MYOM1: variants seen among roughly 807,000 people sequenced by gnomAD.
MYOM1 encodes myomesin 1, also known as myomesin-1.
Under a neutral mutation model 205.3 loss-of-function variants are expected in MYOM1, and 164 were observed. The ratio of observed to expected loss-of-function variants is 0.80; its 90% CI spans 0.70 to 0.91. MYOM1 has a LOEUF of 0.91. MYOM1 is among the 40% of genes least tolerant of loss of function. The pLI, the probability that MYOM1 is intolerant of heterozygous loss-of-function variation, is 0.00. For synonymous variants in MYOM1, 772 were observed against 789.4 expected, an observed-to-expected ratio of 0.98 and a Z score of 0.37; for missense variants, 2,011 against 2,127.3, an observed-to-expected ratio of 0.95 and a Z score of 1.08.
intron 8 of MYOM1, 32 bp from the exon 9 acceptor site, chr18:3,169,013 T>G: frequency 6.3e-7 from 1 of 1,577,330 alleles, no homozygotes; most frequent in Non-Finnish European, 8.6e-7. Context: ...ATCAGTAATT[T>G]TTTTCTTCAT....
chr18:3,161,793 T>C (rs1331098715), intron 10 of MYOM1, among the ~76,000 whole-genome samples: 2 of 152,234 alleles, frequency 1.3e-5, no homozygotes, highest in Non-Finnish European at 2.9e-5. Flanking sequence ...CTGAAGTTTT[T>C]GGTAAATTAC....
chr18:3,244,503 C>T, the MYOM1 span, among the ~76,000 whole-genome samples: 3 of 152,090 alleles, frequency 2.0e-5, no homozygotes, highest in African/African-American at 7.2e-5. Flanking sequence ...GAAGAGATCC[C>T]AGCCATTTGG....
intron 21 of MYOM1, among the ~76,000 whole-genome samples, chr18:3,114,544 A>ATTTTTTTTTTTTT (rs5822738): frequency 4.5e-5 from 4 of 88,374 alleles, no homozygotes; most frequent in African/African-American, 1.9e-4. Context: ...TGGTCAGCTA[A>ATTTTTTTTTTTTT]TTTTTTTTTT....
chr18:3,075,650 A>G (rs911319551), intron 35 of MYOM1, 75 bp downstream of exon 35: 2 of 1,511,248 alleles, frequency 1.3e-6, no homozygotes, highest in Admixed American at 3.5e-5. Context: ...TCTAACACTC[A>G]GAGGGGCGAG....
At position 3,083,595 on chromosome 18, in the gene MYOM1, AT is replaced by A. The variant is rs59299057; in HGVS notation, c.4484+193del. On this transcript the variant is annotated intron_variant, in intron 33 of 37. Transcript: ENST00000356443. The stretch of plus-strand genomic sequence containing the variant: ...AGGTGTCTGCCACTGCGCCCAGCTC[AT>A]TTTTTTTTTTTTTTTTTTTTTGTAT... 9.5e-3 allele frequency among the ~76,000 whole-genome samples: 1,022 copies of A among 107,106 alleles called. 11 individuals are homozygous for A. Among genetic ancestry groups the A allele is most frequent in the African/African-American group, 0.028 (788 of 28,396 alleles). The allele number at this position is 107,106 out of a possible 152,430, so 70.3% of individuals were successfully genotyped here. A position where few individuals can be genotyped will look rare whatever the true frequency, so the allele number is the denominator to read the frequency against.
At chr18:3,074,358 G>A (rs892220440) in intron 36 of MYOM1, among the ~76,000 whole-genome samples, 5 of 152,172 alleles carry the variant, frequency 3.3e-5, no homozygotes, top group African/African-American at 1.2e-4. Context: ...GTTGCACCCA[G>A]AGGCACATGG....
chr18:3,195,404 C>T (rs1357720974), intron 2 of MYOM1, among the ~76,000 whole-genome samples: 8 of 152,202 alleles, frequency 5.3e-5, no homozygotes, highest in African/African-American at 1.4e-4. Context: ...GGCCAGCTGT[C>T]CTGGGCAGCA....
Position 3,090,729 on chromosome 18 carries a change from T to C in MYOM1, c.3938A>G (p.Glu1313Gly). ...TTGAAGCTGGAAAGTGTACGTTCCC[T>C]CATCCTCATCCTGTAGCTTTTCCAT... ...MFMEKLQDEDEGTYTFQLQDG... is the reference protein window; with the variant it reads ...MFMEKLQDEDGGTYTFQLQDG... The change falls in exon 27 of 38, where the codon GAG becomes GGG. Residue 1313 changes from glutamate (E) to glycine (G), a missense_variant. Glu to Gly is a moderately conservative substitution (Grantham distance 98). Coordinates refer to ENST00000356443, the MANE Select transcript of MYOM1 (RefSeq NM_003803.4). 6.2e-7 allele frequency: 1 copy of C among 1,613,974 alleles called. No homozygotes were observed. The highest frequency in any genetic ancestry group is 8.5e-7 in the Non-Finnish European group (1 of 1,179,858).
At chr18:3,102,019 T>G (rs1479414656) in intron 23 of MYOM1, among the ~76,000 whole-genome samples, 1 of 103,054 alleles carries the variant, frequency 9.7e-6, no homozygotes, top group Non-Finnish European at 1.9e-5. Context: ...TTTTTTTTTT[T>G]GAGACAGAGT....
chr18:3,234,571 C>T, the MYOM1 span, among the ~76,000 whole-genome samples: 1 of 152,156 alleles, frequency 6.6e-6, no homozygotes, highest in Non-Finnish European at 1.5e-5. Flanking sequence ...CATCCAGAGT[C>T]GTTTGGGGAG....
chr18:3,243,889 A>G, the MYOM1 span, among the ~76,000 whole-genome samples: 1 of 152,062 alleles, frequency 6.6e-6, no homozygotes, highest in South Asian at 2.1e-4. Context: ...TGTCCATTCC[A>G]TTTTTTTCTC....
chr18:3,145,309 C>CAAAAAAAAAA, intron 13 of MYOM1, among the ~76,000 whole-genome samples: 1 of 124,640 alleles, frequency 8.0e-6, no homozygotes, highest in African/African-American at 2.8e-5. Flanking sequence ...GACTCCATCT[C>CAAAAAAAAAA]AAAAAAAAAA....
chr18:3,139,610 T>C (rs1194354184), intron 14 of MYOM1, among the ~76,000 whole-genome samples: 2 of 152,192 alleles, frequency 1.3e-5, no homozygotes, highest in African/African-American at 4.8e-5. Context: ...GAAATAATTT[T>C]AGCCTCAGCT....
At chr18:3,097,900 A>T (rs2079326142) in intron 25 of MYOM1, among the ~76,000 whole-genome samples, 2 of 152,188 alleles carry the variant, frequency 1.3e-5, no homozygotes, top group African/African-American at 4.8e-5. Flanking sequence ...GCCCGGACTA[A>T]TTCTCTCTCC....
At chr18:3,127,840 A>G (rs540885674) in intron 18 of MYOM1, among the ~76,000 whole-genome samples, 36 of 152,334 alleles carry the variant, frequency 2.4e-4, no homozygotes, top group African/African-American at 8.7e-4. Flanking sequence ...TGATGTTGGA[A>G]TATTTTTCAT....
chr18:3,128,900 G>A (rs2079834225), intron 18 of MYOM1, among the ~76,000 whole-genome samples: 1 of 152,162 alleles, frequency 6.6e-6, no homozygotes, highest in African/African-American at 2.4e-5. Context: ...CAGGCTAGCA[G>A]TACCAAGTCC....
intron 1 of MYOM1, chr18:3,217,168 A>T (rs2081278457): frequency 6.6e-6 from 1 of 152,338 alleles, no homozygotes; most frequent in Non-Finnish European, 1.5e-5. Context: ...CTGTTGTTTA[A>T]GCCACCCAGT....
Position 3,142,184 on chromosome 18 carries a change from G to A in MYOM1, c.1901-121C>T, listed in dbSNP as rs918969442. 3.4e-6 allele frequency: 4 copies of A among 1,166,156 alleles called. No homozygotes were observed. In the African/African-American group the frequency reaches 6.2e-5, roughly 18 times the overall value. 72.2% of individuals were successfully genotyped at this position (1,166,156 alleles called of 1,614,324 possible). On this transcript the variant is annotated intron_variant, in intron 13 of 37. Coordinates refer to ENST00000356443, the MANE Select transcript of MYOM1 (RefSeq NM_003803.4). ...AATTATGTCTCCACAGTTTAAAGAA[G>A]TACCTTCTCTCTAAAATTCCCCCAA...
intron 13 of MYOM1, among the ~76,000 whole-genome samples, chr18:3,145,240 A>C (rs189132229): frequency 1.3e-5 from 2 of 151,950 alleles, no homozygotes; most frequent in Admixed American, 1.3e-4. Flanking sequence ...AACCTGGGAG[A>C]CGGAGGTTGC....
Sources: allele counts gnomAD v4.1 joint callset (sites outside exome capture counted in the v4.1 genomes callset), GRCh38; gene constraint gnomAD v4.1.1; transcripts MANE v1.5; gene names NCBI Gene and HGNC (gene_info 2026-07-23, HGNC 2026-07-21).